Variants in SGCE observed in about 807,000 individuals in gnomAD.
The protein encoded by SGCE is sarcoglycan epsilon.
A neutral mutation model predicts 57.8 loss-of-function variants in SGCE; 26 were observed. That is an observed-to-expected ratio of 0.45 (90% CI 0.33 to 0.62). SGCE has a LOEUF of 0.62. Among genes scored for constraint, SGCE ranks in the 20% least tolerant of loss-of-function variants. SGCE has a pLI of 0.02. For missense variants in SGCE, 468 were observed against 548.6 expected, an observed-to-expected ratio of 0.85 and a Z score of 1.47; for synonymous variants, 183 against 189.5, an observed-to-expected ratio of 0.97 and a Z score of 0.28.
chr7:94,588,982 C>T, intron 9 of SGCE: 2 of 503,414 alleles, frequency 4.0e-6, no homozygotes, highest in East Asian at 3.6e-5. Context: ...CTCACAACAA[C>T]CCTAAGAGGT....
intron 3 of SGCE, chr7:94,625,639 A>G (rs972921116): frequency 1.3e-5 from 2 of 152,148 alleles, no homozygotes; most frequent in African/African-American, 2.4e-5. Flanking sequence ...CCAAAATGGC[A>G]AACTATTACA....
At chr7:94,633,663 T>C (rs1805080855) in intron 1 of SGCE, among the ~76,000 whole-genome samples, 1 of 152,126 alleles carries the variant, frequency 6.6e-6, no homozygotes, top group African/African-American at 2.4e-5. Context: ...CAATGTCTTG[T>C]TTTCCTTTAC....
At position 94,628,052 on chromosome 7, in the gene SGCE, T is replaced by C. The variant is rs1804013578; in HGVS notation, c.390+150A>G. 12 of 595,088 alleles carry C rather than the reference T, an allele frequency of 2.0e-5. No homozygotes were observed. In the East Asian group the frequency reaches 3.3e-4, roughly 17 times the overall value. The allele number at this position is 595,088 out of a possible 1,614,324, so 36.9% of individuals were successfully genotyped here. On this transcript the variant is annotated intron_variant, in intron 3 of 10. Coordinates refer to ENST00000648936, the MANE Select transcript of SGCE (RefSeq NM_003919.3). ...CAGAGAAGAATGGCACATTTCCAAA[T>C]GTTATCTACTGTGTTTCCATGCACA...
chr7:94,611,357 G>A (rs554671502), intron 5 of SGCE, among the ~76,000 whole-genome samples: 1 of 151,884 alleles, frequency 6.6e-6, no homozygotes, highest in Non-Finnish European at 1.5e-5. Context: ...GATGAAACTT[G>A]AAAATGTTAT....
chr7:94,628,281 A>T lies in SGCE; in HGVS notation c.311T>A (p.Ile104Asn). The change falls in exon 3 of 11, where the codon ATC becomes AAC. Residue 104 changes from isoleucine to asparagine, a missense_variant. Physicochemically the swap from Ile to Asn is moderately radical, Grantham distance 149 (BLOSUM62 -3). Coordinates refer to ENST00000648936, the MANE Select transcript of SGCE (RefSeq NM_003919.3). ...TCCATCACTATATGGTGTCCTTTGG[A>T]TATATCGAAGCCATCCAGGTCGGTC... ...YPDRPGWLRY[I>N]QRTPYSDGVL... is the part of the protein sequence containing the mutation. 3.1e-6 allele frequency: 5 copies of T among 1,611,564 alleles called. No individual in the cohort carries two copies. Among genetic ancestry groups the T allele is most frequent in the Non-Finnish European group, 4.2e-6 (5 of 1,178,296 alleles).
intron 6 of SGCE, among the ~76,000 whole-genome samples, chr7:94,601,402 T>TA (rs1416106997): frequency 7.7e-6 from 1 of 129,640 alleles, no homozygotes; most frequent in Non-Finnish European, 1.5e-5. Context: ...GTCTAGGGAA[T>TA]ATGGAACCTA....
intron 10 of SGCE, chr7:94,588,176 C>A (rs1797161311): frequency 1.8e-6 from 2 of 1,089,412 alleles, no homozygotes; most frequent in African/African-American, 1.7e-5. Context: ...ATAGAATAAT[C>A]CAAGGAGAAT....
At position 94,629,957 on chromosome 7, in the gene SGCE, A is replaced by G. The variant is rs1804429137; in HGVS notation, c.110-116T>C. ...CTCACTATGTAGACATTTCTGGAAA[A>G]ACTGAAGCAACATGCAAGGAAACTG... On this transcript the variant is annotated intron_variant, in intron 1 of 10. Coordinates refer to ENST00000648936, the MANE Select transcript of SGCE (RefSeq NM_003919.3). The G allele has an allele frequency of 5.1e-6, 6 of 1,183,424 alleles. No homozygotes were observed. The Admixed American group carries it at 1.3e-4, about 26-fold the overall frequency. The allele number at this position is 1,183,424 out of a possible 1,614,324, so 73.3% of individuals were successfully genotyped here.
In SGCE at chr7:94,623,322, T is replaced by A; in HGVS notation, c.463+3A>T. ...GAAATGATCAACATATTTTCATACC[T>A]ACCTTCTGCAGACATTATATTAATT... On this transcript the variant is annotated splice_donor_region_variant and intron_variant, in intron 4 of 10. Coordinates refer to ENST00000648936, the MANE Select transcript of SGCE (RefSeq NM_003919.3). The A allele has an allele frequency of 6.4e-7, 1 of 1,553,128 alleles. No individual in the cohort carries two copies. The highest frequency in any genetic ancestry group is 8.9e-7 in the Non-Finnish European group (1 of 1,128,482).
At chr7:94,606,670 A>G (rs1800191784) in intron 5 of SGCE, among the ~76,000 whole-genome samples, 1 of 152,234 alleles carries the variant, frequency 6.6e-6, no homozygotes, top group Non-Finnish European at 1.5e-5. Flanking sequence ...AAAATAGAAT[A>G]CACATTCTTC....
intron 1 of SGCE, among the ~76,000 whole-genome samples, chr7:94,650,146 A>G (rs1807676802): frequency 1.3e-5 from 2 of 152,352 alleles, no homozygotes; most frequent in Non-Finnish European, 2.9e-5. Flanking sequence ...CTAACCTGAA[A>G]CAGACAGAAG....
chr7:94,593,896 A>G (rs907579691), intron 9 of SGCE, among the ~76,000 whole-genome samples: 1 of 152,108 alleles, frequency 6.6e-6, no homozygotes, highest in African/African-American at 2.4e-5. Flanking sequence ...TTGATTATTA[A>G]GCCAGGAATT....
intron 5 of SGCE, among the ~76,000 whole-genome samples, chr7:94,616,631 ATTAG>A (rs780017561): frequency 1.3e-5 from 2 of 152,192 alleles, no homozygotes; most frequent in East Asian, 3.9e-4. Context: ...GAAATAAAGT[ATTAG>A]TTAAGCATTG....
At chr7:94,648,823 T>C (rs1013280625) in intron 1 of SGCE, among the ~76,000 whole-genome samples, 4 of 152,244 alleles carry the variant, frequency 2.6e-5, no homozygotes, top group African/African-American at 9.6e-5. Context: ...AGAGCAACTA[T>C]ACTTCCATGC....
intron 5 of SGCE, among the ~76,000 whole-genome samples, chr7:94,616,385 A>G (rs967344256): frequency 6.6e-6 from 1 of 152,242 alleles, no homozygotes; most frequent in African/African-American, 2.4e-5. Context: ...TATGCTAAGT[A>G]TTACACAAAG....
At chr7:94,649,971 C>A (rs868394333) in intron 1 of SGCE, among the ~76,000 whole-genome samples, 3 of 152,034 alleles carry the variant, frequency 2.0e-5, no homozygotes, top group Middle Eastern at 3.2e-3. Context: ...TGTAAGGAAG[C>A]CCTATATAAT....
intron 5 of SGCE, among the ~76,000 whole-genome samples, chr7:94,614,663 C>T (rs971028246): frequency 2.6e-5 from 4 of 152,140 alleles, no homozygotes; most frequent in African/African-American, 4.8e-5. Context: ...CCTCTATAAA[C>T]CTTTTTCAGG....
intron 1 of SGCE, among the ~76,000 whole-genome samples, chr7:94,634,359 T>C (rs1805231177): frequency 6.6e-6 from 1 of 152,200 alleles, no homozygotes; most frequent in South Asian, 2.1e-4. Flanking sequence ...TGCTCTATTA[T>C]ACGGTGATAC....
At chr7:94,608,111 A>C (rs565348969) in intron 5 of SGCE, among the ~76,000 whole-genome samples, 95 of 152,328 alleles carry the variant, frequency 6.2e-4, no homozygotes, top group Non-Finnish European at 1.5e-4. Context: ...TTGCAGGCCG[A>C]GGCAGGTGGG....
Sources: allele counts gnomAD v4.1 joint callset (sites outside exome capture counted in the v4.1 genomes callset), GRCh38; gene constraint gnomAD v4.1.1; transcripts MANE v1.5; gene names NCBI Gene and HGNC (gene_info 2026-07-23, HGNC 2026-07-21).